Variants in TSNARE1 observed in about 807,000 individuals in gnomAD.
TSNARE1 encodes t-SNARE domain containing 1.
In TSNARE1, 49 loss-of-function variants were observed where a neutral mutation model predicts 62.0. The ratio of observed to expected loss-of-function variants is 0.79; its 90% CI spans 0.63 to 1.00. The LOEUF (loss-of-function observed/expected upper bound fraction) is 1.00, where lower values mean the gene tolerates loss of function less well. TSNARE1 is among the 50% of genes least tolerant of loss of function. The pLI is 0.00. For synonymous variants in TSNARE1, 328 were observed against 294.4 expected, an observed-to-expected ratio of 1.11 and a Z score of -1.17; for missense variants, 755 against 700.1, an observed-to-expected ratio of 1.08 and a Z score of -0.88.
intron 1 of TSNARE1, among the ~76,000 whole-genome samples, chr8:142,360,505 G>A (rs746950301): frequency 4.0e-4 from 61 of 152,292 alleles, no homozygotes; most frequent in Middle Eastern, 3.4e-3. Flanking sequence ...CAATGAGGCC[G>A]GACGGAGGCC....
At chr8:142,371,689 G>T (rs1305714782) in intron 1 of TSNARE1, among the ~76,000 whole-genome samples, 1 of 152,076 alleles carries the variant, frequency 6.6e-6, no homozygotes, top group Non-Finnish European at 1.5e-5. Context: ...TCCAGGGGTG[G>T]ATACACCTGC....
At chr8:142,343,340 T>C (rs1315586990) in intron 4 of TSNARE1, among the ~76,000 whole-genome samples, 1 of 151,868 alleles carries the variant, frequency 6.6e-6, no homozygotes, top group African/African-American at 2.4e-5. Context: ...TAAGTTGCAA[T>C]CAGCTTTTTC....
In TSNARE1 at chr8:142,389,034, G is replaced by A. The variant is rs533227888; in HGVS notation, c.-40+14070C>T. On this transcript the variant is annotated intron_variant, in intron 1 of 13. Transcript: ENST00000524325. ...AAGCTACAGTAATCAAAACAGCATG[G>A]TGATGACATAAAAACAGACAAACAG... Among the ~76,000 whole-genome samples, 3 of 152,294 alleles carry A rather than the reference G, an allele frequency of 2.0e-5. No individual in the cohort carries two copies. In the South Asian group the frequency reaches 6.2e-4, roughly 32 times the overall value.
chr8:142,344,349 GC>G lies in TSNARE1; in HGVS notation c.361del (p.Ala121ProfsTer20), dbSNP rs1319043120. On this transcript the variant is annotated frameshift_variant, in exon 4 of 14. Transcript: ENST00000524325. LOFTEE classifies it high-confidence loss of function. ...GCAGAAGTTGGGCTTCCTCTTCTTGGCCCGGGTAGTGCTGGGCCCCGCCATC... is the reference window on the plus strand; with the variant it reads ...GCAGAAGTTGGGCTTCCTCTTCTTGGCCGGGTAGTGCTGGGCCCCGCCATC... ...GRMAGPSTTR[A>X]KKRKPNFCPQ... 8 of 1,575,284 alleles carry G rather than the reference GC, an allele frequency of 5.1e-6. No individual in the cohort carries two copies. The highest frequency in any genetic ancestry group is 6.9e-6 in the Non-Finnish European group (8 of 1,160,542).
At position 142,344,386 on chromosome 8, in the gene TSNARE1, G is replaced by A; in HGVS notation, c.325C>T (p.Pro109Ser). The change falls in exon 4 of 14, where the codon CCC (proline) becomes TCC (serine). Residue 109 changes from proline (P) to serine (S), a missense_variant. Transcript: ENST00000524325. ...CTGGGCCCCGCCATCCGGCCATGGG[G>A]CCCAGCAGCCGAGTCCTTCCTCGGG... Reference protein sequence around the residue: ...IGPRKDSAAGPHGRMAGPSTT... With the variant: ...IGPRKDSAAGSHGRMAGPSTT... 2.5e-6 allele frequency: 4 copies of A among 1,577,348 alleles called. No homozygotes were observed. The highest frequency in any genetic ancestry group is 3.4e-6 in the Non-Finnish European group (4 of 1,165,264).
chr8:142,357,452 G>A (rs1834834559), intron 1 of TSNARE1, among the ~76,000 whole-genome samples: 1 of 152,220 alleles, frequency 6.6e-6, no homozygotes, highest in African/African-American at 2.4e-5. Flanking sequence ...ACTTGTGTTT[G>A]GGGAGCTCCC....
chr8:142,320,941 G>A (rs1243493989), intron 6 of TSNARE1, among the ~76,000 whole-genome samples: 2 of 152,198 alleles, frequency 1.3e-5, no homozygotes, highest in African/African-American at 2.4e-5. Flanking sequence ...GTAGGCAGTG[G>A]GTCAGGCTTT....
chr8:142,381,093 C>A (rs1432481694), intron 1 of TSNARE1, among the ~76,000 whole-genome samples: 1 of 152,266 alleles, frequency 6.6e-6, no homozygotes, highest in Non-Finnish European at 1.5e-5. Flanking sequence ...TCAGGGCCGT[C>A]AGGGCCTTGC....
At chr8:142,271,885 T>C (rs1265907234) in intron 12 of TSNARE1, among the ~76,000 whole-genome samples, 1 of 151,914 alleles carries the variant, frequency 6.6e-6, no homozygotes, top group Non-Finnish European at 1.5e-5. Flanking sequence ...GGTGGGCACA[T>C]TTACTCTAGT....
chr8:142,231,991 C>T (rs1817138263), intron 12 of TSNARE1, among the ~76,000 whole-genome samples: 1 of 152,256 alleles, frequency 6.6e-6, no homozygotes. Context: ...GCGTGGGGGT[C>T]TCCCAGGTAC....
intron 13 of TSNARE1, 135 bp downstream of exon 13, chr8:142,229,338 C>G (rs550737683): frequency 1.4e-6 from 1 of 705,886 alleles, no homozygotes; most frequent in Non-Finnish European, 2.5e-6. Context: ...GACAGATGGA[C>G]GGTAGACAGG....
intron 12 of TSNARE1, among the ~76,000 whole-genome samples, chr8:142,240,707 C>A: frequency 6.6e-6 from 1 of 151,972 alleles, no homozygotes; most frequent in South Asian, 2.1e-4. Flanking sequence ...ATTAAAAATC[C>A]CCATGCATTT....
chr8:142,314,966 G>A, intron 8 of TSNARE1, 37 bp downstream of exon 8: 2 of 1,604,214 alleles, frequency 1.2e-6, no homozygotes, highest in Non-Finnish European at 1.7e-6. Context: ...GACCCCACCT[G>A]GCCTGCAGAC....
chr8:142,365,360 G>A (rs1835456024), intron 1 of TSNARE1, among the ~76,000 whole-genome samples: 1 of 152,158 alleles, frequency 6.6e-6, no homozygotes, highest in African/African-American at 2.4e-5. Flanking sequence ...ACCAACACAG[G>A]ATCTGGGATT....
chr8:142,216,708 C>T (rs1815857112), intron 13 of TSNARE1, among the ~76,000 whole-genome samples: 1 of 152,190 alleles, frequency 6.6e-6, no homozygotes, highest in Admixed American at 6.5e-5. Context: ...CAGACTCAGG[C>T]CGGCCCAAAG....
At chr8:142,346,716 T>A (rs1237463539) in intron 2 of TSNARE1, among the ~76,000 whole-genome samples, 1 of 152,206 alleles carries the variant, frequency 6.6e-6, no homozygotes, top group African/African-American at 2.4e-5. Flanking sequence ...TCCAGCCACA[T>A]CCGCGGCCTC....
At chr8:142,223,353 C>CTCATTCACTCAT (rs1253419580) in intron 13 of TSNARE1, among the ~76,000 whole-genome samples, 9 of 140,180 alleles carry the variant, frequency 6.4e-5, no homozygotes, top group African/African-American at 2.5e-4. Context: ...CACTCATTCA[C>CTCATTCACTCAT]TCACTCACTC....
chr8:142,240,606 G>A (rs964652431), intron 12 of TSNARE1, among the ~76,000 whole-genome samples: 4 of 152,184 alleles, frequency 2.6e-5, no homozygotes, highest in African/African-American at 9.7e-5. Flanking sequence ...TATAAAGCAA[G>A]TCTTGGCAAA....
chr8:142,248,315 C>T (rs1325124427), intron 12 of TSNARE1, among the ~76,000 whole-genome samples: 1 of 152,202 alleles, frequency 6.6e-6, no homozygotes, highest in Non-Finnish European at 1.5e-5. Flanking sequence ...CACCCAAGTT[C>T]AGAAGAGGGC....
Sources: gnomAD v4.1 joint callset for allele counts (sites outside exome capture counted in the v4.1 genomes callset) on GRCh38, gnomAD v4.1.1 for gene constraint, MANE v1.5 for transcripts, NCBI Gene and HGNC (gene_info 2026-07-23, HGNC 2026-07-21) for gene names.